Variants in SMURF2 observed in about 807,000 individuals in gnomAD.
SMURF2 encodes E3 ubiquitin-protein ligase SMURF2.
A neutral mutation model predicts 109.6 loss-of-function variants in SMURF2; 48 were observed. That is an observed-to-expected ratio of 0.44 (90% CI 0.35 to 0.56). The LOEUF (loss-of-function observed/expected upper bound fraction) is 0.56, where lower values mean the gene tolerates loss of function less well. SMURF2 is among the 20% of genes least tolerant of loss of function. The pLI, the probability that SMURF2 is intolerant of heterozygous loss-of-function variation, is 0.01. For synonymous variants in SMURF2, 288 were observed against 317.1 expected (o/e 0.91, Z 0.97); for missense variants, 575 against 909.0 (o/e 0.63, Z 4.72).
chr17:64,599,600 C>T (rs1420942754), intron 2 of SMURF2, among the ~76,000 whole-genome samples: 1 of 152,202 alleles, frequency 6.6e-6, no homozygotes, highest in Non-Finnish European at 1.5e-5. Flanking sequence ...CGCCTTCTGT[C>T]AGATCAGCGG....
At chr17:64,612,996 C>A (rs537053441) in intron 1 of SMURF2, among the ~76,000 whole-genome samples, 1 of 152,262 alleles carries the variant, frequency 6.6e-6, no homozygotes, top group South Asian at 2.1e-4. Flanking sequence ...GCAGTTCCAG[C>A]CAGCTTTACT....
At position 64,606,612 on chromosome 17, in the gene SMURF2, C is replaced by CT; in HGVS notation, c.80dup (p.Asp28GlyfsTer7). The CT allele has an allele frequency of 6.5e-7, 1 of 1,542,614 alleles. No homozygotes were observed. Among genetic ancestry groups the CT allele is most frequent in the Admixed American group, 2.0e-5 (1 of 49,890 alleles). On this transcript the variant is annotated frameshift_variant, in exon 2 of 19. Transcript: ENST00000262435. LOFTEE classifies it high-confidence loss of function. ...AGTTAATTTACTTACGGAAAAAATC[C>CT]TTTTTCACCAGGTTTTTTGCACAGA...
At chr17:64,617,065 TAA>T (rs35408397) in intron 1 of SMURF2, among the ~76,000 whole-genome samples, 3,880 of 47,986 alleles carry the variant, frequency 0.081, 100 homozygotes, top group African/African-American at 0.18. Flanking sequence ...AGACCTTGTC[TAA>T]AAAAAAAAAA....
chr17:64,585,223 G>A (rs756300021), intron 6 of SMURF2, among the ~76,000 whole-genome samples: 1 of 152,166 alleles, frequency 6.6e-6, no homozygotes, highest in African/African-American at 2.4e-5. Context: ...GTATCAAAGA[G>A]ACCAGTCATA....
rs1824106371 is a variant in SMURF2 at position 64,586,171 on chromosome 17, C to T, written c.401-1G>A. On this transcript the variant is annotated splice_acceptor_variant, in intron 5 of 18. Transcript: ENST00000262435. LOFTEE classifies it high-confidence loss of function. ...ATTCGGTCTCTGGACTGAAGACTTACTATTAAATGACAGAAATATTACTAA... is the reference window on the plus strand; with the variant it reads ...ATTCGGTCTCTGGACTGAAGACTTATTATTAAATGACAGAAATATTACTAA... 6.3e-7 allele frequency: 1 copy of T among 1,588,492 alleles called. No individual in the cohort carries two copies. The highest frequency in any genetic ancestry group is 1.1e-5 in the South Asian group (1 of 87,158).
intron 1 of SMURF2, among the ~76,000 whole-genome samples, chr17:64,641,434 ACTT>A (rs1368363874): frequency 1.3e-5 from 2 of 152,200 alleles, no homozygotes; most frequent in Non-Finnish European, 2.9e-5. Flanking sequence ...ATTCTTTGAA[ACTT>A]CTTCTATCAA....
rs565238489 is a variant in SMURF2 at position 64,544,358 on chromosome 17, A to G, written c.*1490T>C. The G allele has an allele frequency of 6.6e-6, 1 of 152,330 alleles. No homozygotes were observed. Among genetic ancestry groups the G allele is most frequent in the South Asian group, 2.1e-4 (1 of 4,832 alleles). The allele number at this position is 152,330 out of a possible 1,614,324, so 9.4% of individuals were successfully genotyped here. On this transcript the variant is annotated 3_prime_UTR_variant, in exon 19 of 19. Coordinates refer to ENST00000262435, the MANE Select transcript of SMURF2 (RefSeq NM_022739.4). ...AGACTGAAACCCACTCCATCACATG[A>G]AACAGAACACAGAGGACCTATTTAC... is the stretch of plus-strand genomic sequence containing the variant.
chr17:64,556,382 C>G (rs1323956729), intron 13 of SMURF2, among the ~76,000 whole-genome samples: 1 of 151,184 alleles, frequency 6.6e-6, no homozygotes, highest in Non-Finnish European at 1.5e-5. Flanking sequence ...CTTCCTTGAC[C>G]TAACCAGAAA....
rs1555683914 is a variant in SMURF2 at position 64,554,953 on chromosome 17, C to T, written c.1651G>A (p.Val551Ile). Residue 551 changes from valine (V) to isoleucine (I), a missense_variant, in exon 15 of 19, where the codon GTT (valine) becomes ATT (isoleucine). Transcript: ENST00000262435. ...ATTTCACCATATGCATTATGTTCAA[C>T]ACAGAAGGTATGGTCCAAAACACCT... ...ITGVLDHTFC[V>I]EHNAYGEIIQ... 6.2e-7 allele frequency: 1 copy of T among 1,613,464 alleles called. No homozygotes were observed. The highest frequency in any genetic ancestry group is 1.3e-5 in the African/African-American group (1 of 74,866).
chr17:64,615,224 G>A (rs1342952957), intron 1 of SMURF2, among the ~76,000 whole-genome samples: 1 of 151,930 alleles, frequency 6.6e-6, no homozygotes, highest in Non-Finnish European at 1.5e-5. Flanking sequence ...GATTGGAGTT[G>A]CATTCCAATT....
At chr17:64,630,081 C>CA (rs1970318107) in intron 1 of SMURF2, among the ~76,000 whole-genome samples, 1 of 151,736 alleles carries the variant, frequency 6.6e-6, no homozygotes, top group African/African-American at 2.4e-5. Flanking sequence ...ACTAAAAATA[C>CA]AAAAATTAGC....
chr17:64,566,729 G>A (rs1969318350), intron 10 of SMURF2, among the ~76,000 whole-genome samples: 1 of 150,216 alleles, frequency 6.7e-6, no homozygotes, highest in Non-Finnish European at 1.5e-5. Flanking sequence ...CTGCCACCAT[G>A]CCCGGCTAAT....
At chr17:64,559,095 T>C (rs1969170259) in intron 12 of SMURF2, among the ~76,000 whole-genome samples, 1 of 152,152 alleles carries the variant, frequency 6.6e-6, no homozygotes, top group Non-Finnish European at 1.5e-5. Context: ...ATAACACTCA[T>C]CTGATGTGTC....
intron 6 of SMURF2, among the ~76,000 whole-genome samples, chr17:64,585,604 C>T (rs1451670912): frequency 1.3e-5 from 2 of 152,092 alleles, no homozygotes; most frequent in Non-Finnish European, 2.9e-5. Context: ...CTATATACTG[C>T]CTTCCAAGAT....
At chr17:64,588,997 C>T (rs1969711348) in intron 5 of SMURF2, among the ~76,000 whole-genome samples, 1 of 152,086 alleles carries the variant, frequency 6.6e-6, no homozygotes, top group Non-Finnish European at 1.5e-5. Context: ...TACCTACTTA[C>T]AATTATTTGT....
rs566991663 is a variant in SMURF2, at chr17:64,599,749, C to T, written c.92-1259G>A. 7.2e-5 allele frequency among the ~76,000 whole-genome samples: 11 copies of T among 152,308 alleles called. No individual in the cohort carries two copies. The South Asian group carries it at 2.3e-3, about 32-fold the overall frequency. On this transcript the variant is annotated intron_variant, in intron 2 of 18. Coordinates refer to ENST00000262435, the MANE Select transcript of SMURF2 (RefSeq NM_022739.4). ...TTCATCCCAACACATCCCCTGCTCC[C>T]CATGTCCTTGGAAAAACTGTCTTGC...
At chr17:64,569,017 A>G (rs1190574388) in intron 10 of SMURF2, among the ~76,000 whole-genome samples, 1 of 142,536 alleles carries the variant, frequency 7.0e-6, no homozygotes, top group African/African-American at 2.7e-5. Context: ...AAATTCCAGA[A>G]CTAGGCGTGG....
chr17:64,566,564 T>TTTTG (rs1969309170), intron 10 of SMURF2, among the ~76,000 whole-genome samples: 1 of 49,432 alleles, frequency 2.0e-5, no homozygotes, highest in East Asian at 5.7e-4. Context: ...CTTTCTGGTT[T>TTTTG]TTTTTTTTTT....
intron 10 of SMURF2, among the ~76,000 whole-genome samples, chr17:64,564,851 C>G (rs1477155756): frequency 6.6e-6 from 1 of 152,170 alleles, no homozygotes; most frequent in African/African-American, 2.4e-5. Context: ...TGTTTTAAGC[C>G]ATCCAGTTCG....
Sources: gnomAD v4.1 joint callset for allele counts (sites outside exome capture counted in the v4.1 genomes callset) on GRCh38, gnomAD v4.1.1 for gene constraint, MANE v1.5 for transcripts, NCBI Gene and HGNC (gene_info 2026-07-23, HGNC 2026-07-21) for gene names.